The following WWC2 variants were observed in gnomAD, a reference collection of about 807,000 sequenced individuals.
WWC2 encodes the protein protein WWC2.
In WWC2, 101 loss-of-function variants were observed where a neutral mutation model predicts 138.5. The observed-to-expected ratio is 0.73, with a 90% CI of 0.62 to 0.86. The LOEUF (loss-of-function observed/expected upper bound fraction) is 0.86, where lower values mean the gene tolerates loss of function less well. Ranked by LOEUF, WWC2 falls within the 40% of genes least tolerant of loss-of-function variation. The pLI, the probability that WWC2 is intolerant of heterozygous loss-of-function variation, is 0.00. For missense variants in WWC2, 1,420 were observed against 1,419.4 expected (o/e 1.00, Z -0.01); for synonymous variants, 558 against 538.4 (o/e 1.04, Z -0.50).
chr4:183,110,102 T>C (rs537434316), intron 1 of WWC2, among the ~76,000 whole-genome samples: 17 of 152,338 alleles, frequency 1.1e-4, no homozygotes, highest in African/African-American at 3.8e-4. Context: ...TAGAGATTGC[T>C]TTTGTGGTGT....
intron 1 of WWC2, among the ~76,000 whole-genome samples, chr4:183,146,990 G>C (rs1240113650): frequency 6.6e-6 from 1 of 152,126 alleles, no homozygotes; most frequent in African/African-American, 2.4e-5. Context: ...GAAACACTTG[G>C]AAAGCTTGTT....
Position 183,320,502 on chromosome 4 carries a change from TTAAG to T in WWC2, c.*4775_*4778del, listed in dbSNP as rs1560905540. The stretch of plus-strand genomic sequence containing the variant: ...AAAGCAGTTTGTCACTGAAATATAA[TTAAG>T]TGATAATCTCCTTTCATTGTCAAGG... On this transcript the variant is annotated 3_prime_UTR_variant, in exon 23 of 23. Coordinates refer to ENST00000403733, the MANE Select transcript of WWC2 (RefSeq NM_024949.6). 3 of 432,908 alleles carry T rather than the reference TTAAG, an allele frequency of 6.9e-6. No homozygotes were observed. The highest frequency in any genetic ancestry group is 4.2e-6 in the Non-Finnish European group (1 of 236,980). The allele number at this position is 432,908 out of a possible 1,614,324, so 26.8% of individuals were successfully genotyped here.
chr4:183,121,842 G>A (rs1268527266), intron 1 of WWC2, among the ~76,000 whole-genome samples: 1 of 150,668 alleles, frequency 6.6e-6, no homozygotes, highest in African/African-American at 2.5e-5. Context: ...CTGGAGTGCG[G>A]TGGCACGATC....
In WWC2 at chr4:183,319,072, A is replaced by G. The variant is rs537913375; in HGVS notation, c.*3343A>G. 132 of 153,880 alleles carry G rather than the reference A, an allele frequency of 8.6e-4. No individual in the cohort carries two copies. Among genetic ancestry groups the G allele is most frequent in the Non-Finnish European group, 1.6e-3 (112 of 69,202 alleles). The allele number at this position is 153,880 out of a possible 1,614,324, so 9.5% of individuals were successfully genotyped here. A position where few individuals can be genotyped will look rare whatever the true frequency, so the allele number is the denominator to read the frequency against. ...ACTGAGGTCTCTGATTCAGAAGGAG[A>G]TGATGTGTCTACACCTTTCACCTCT... On this transcript the variant is annotated 3_prime_UTR_variant, in exon 23 of 23. Transcript: ENST00000403733.
rs190909741 is a variant in WWC2, at chr4:183,188,847, A to G, written c.132-4752A>G. 6.0e-3 allele frequency among the ~76,000 whole-genome samples: 897 copies of G among 150,562 alleles called. 7 individuals carry two copies. Among genetic ancestry groups the G allele is most frequent in the African/African-American group, 0.019 (796 of 41,108 alleles). ...TTTAGTAGAGACGGGGGTTTCACCA[A>G]GTTGGCCAGGCTGGTCTCGAACTCC... On this transcript the variant is annotated intron_variant, in intron 1 of 22. Coordinates refer to ENST00000403733, the MANE Select transcript of WWC2 (RefSeq NM_024949.6).
intron 1 of WWC2, among the ~76,000 whole-genome samples, chr4:183,131,727 G>A (rs1203224067): frequency 6.6e-6 from 1 of 152,096 alleles, no homozygotes; most frequent in African/African-American, 2.4e-5. Context: ...ATTTGTGCTT[G>A]CGCATTTTGT....
intron 6 of WWC2, among the ~76,000 whole-genome samples, chr4:183,247,294 A>G (rs1021118147): frequency 6.6e-6 from 1 of 151,988 alleles, no homozygotes; most frequent in Non-Finnish European, 1.5e-5. Flanking sequence ...TTTCATTTAA[A>G]AAAATACTAG....
At chr4:183,100,995 T>TA (rs1299022161) in intron 1 of WWC2, among the ~76,000 whole-genome samples, 2 of 152,228 alleles carry the variant, frequency 1.3e-5, no homozygotes, top group Non-Finnish European at 2.9e-5. Flanking sequence ...TTATTTGACT[T>TA]ATGCTATTGC....
intron 1 of WWC2, among the ~76,000 whole-genome samples, chr4:183,191,631 C>A (rs1352336761): frequency 6.6e-6 from 1 of 152,162 alleles, no homozygotes; most frequent in African/African-American, 2.4e-5. Flanking sequence ...TAGTGTGGAG[C>A]AGAATTACCT....
chr4:183,206,199 A>G (rs149972791), intron 2 of WWC2, among the ~76,000 whole-genome samples: 1 of 152,316 alleles, frequency 6.6e-6, no homozygotes, highest in African/African-American at 2.4e-5. Context: ...GTTGTCCAAC[A>G]TCTGAAAACC....
intron 21 of WWC2, among the ~76,000 whole-genome samples, chr4:183,295,822 G>A (rs1032049904): frequency 2.0e-5 from 3 of 151,920 alleles, no homozygotes; most frequent in African/African-American, 2.4e-5. Context: ...GTTTGTTTTC[G>A]TCCCTATCTA....
At chr4:183,218,175 G>A (rs1285664457) in intron 4 of WWC2, among the ~76,000 whole-genome samples, 1 of 151,982 alleles carries the variant, frequency 6.6e-6, no homozygotes, top group Admixed American at 6.6e-5. Flanking sequence ...TAAATTGAAG[G>A]CAAAACAGCC....
chr4:183,219,314 A>G, intron 4 of WWC2, among the ~76,000 whole-genome samples: 1 of 152,174 alleles, frequency 6.6e-6, no homozygotes, highest in Non-Finnish European at 1.5e-5. Context: ...GGTAAGTCTT[A>G]ACATTTATAT....
chr4:183,099,697 G>T (rs974833978), intron 1 of WWC2, 75 bp downstream of exon 1: 19 of 1,160,998 alleles, frequency 1.6e-5, no homozygotes, highest in Non-Finnish European at 2.0e-5. Context: ...CCGCGCGGGG[G>T]GCTGGGGCGG....
chr4:183,125,666 G>T lies in WWC2; in HGVS notation c.131+26044G>T, dbSNP rs148107354. Among the ~76,000 whole-genome samples the T allele has an allele frequency of 4.6e-3, 693 of 152,260 alleles. 5 individuals carry two copies. Among genetic ancestry groups the T allele is most frequent in the African/African-American group, 0.016 (664 of 41,566 alleles). ...TTGAAAACTTTTCATACTCAACTTA[G>T]TATGCCTTTTTAGGAATTGTTTTAA... is the stretch of plus-strand genomic sequence containing the variant. On this transcript the variant is annotated intron_variant, in intron 1 of 22. Coordinates refer to ENST00000403733, the MANE Select transcript of WWC2 (RefSeq NM_024949.6).
chr4:183,133,834 T>C (rs1046235107), intron 1 of WWC2, among the ~76,000 whole-genome samples: 2 of 152,206 alleles, frequency 1.3e-5, no homozygotes, highest in African/African-American at 4.8e-5. Flanking sequence ...ATTAAGATTA[T>C]GCACCATGAT....
intron 21 of WWC2, among the ~76,000 whole-genome samples, chr4:183,291,391 G>A (rs747171335): frequency 2.0e-5 from 3 of 152,192 alleles, no homozygotes; most frequent in Non-Finnish European, 2.9e-5. Context: ...TGAAATGGAA[G>A]ATTGAATTAC....
chr4:183,289,289 G>T, intron 20 of WWC2, 104 bp from the exon 21 acceptor site: 2 of 1,466,674 alleles, frequency 1.4e-6, no homozygotes, highest in South Asian at 2.8e-5. Context: ...CTGGCTTCTA[G>T]GGTGCAAGGA....
chr4:183,144,206 G>A (rs1398829412), intron 1 of WWC2, among the ~76,000 whole-genome samples: 1 of 152,130 alleles, frequency 6.6e-6, no homozygotes, highest in East Asian at 1.9e-4. Context: ...AATCAAGTTA[G>A]TTTCTTTTAA....
Sources: gnomAD v4.1 joint callset for allele counts (sites outside exome capture counted in the v4.1 genomes callset) on GRCh38, gnomAD v4.1.1 for gene constraint, MANE v1.5 for transcripts, NCBI Gene and HGNC (gene_info 2026-07-23, HGNC 2026-07-21) for gene names.